The following ZNF618 variants were observed in gnomAD, a reference collection of about 807,000 sequenced individuals.
The protein encoded by ZNF618 is neural precursor cell expressed, developmentally down-regulated 10.
In ZNF618, 34 loss-of-function variants were observed where a neutral mutation model predicts 103.0. The observed-to-expected ratio is 0.33, with a 90% CI of 0.25 to 0.44. ZNF618 has a LOEUF of 0.44. ZNF618 is among the 20% of genes least tolerant of loss of function. The pLI is 1.00. For synonymous variants in ZNF618, 551 were observed against 542.2 expected, an observed-to-expected ratio of 1.02 and a Z score of -0.23; for missense variants, 1,059 against 1,295.4, an observed-to-expected ratio of 0.82 and a Z score of 2.80.
chr9:113,910,105 C>T (rs536313077), intron 1 of ZNF618, among the ~76,000 whole-genome samples: 2 of 152,132 alleles, frequency 1.3e-5, no homozygotes, highest in East Asian at 3.9e-4. Context: ...ATGAACTCAC[C>T]ACTCCCCGCC....
chr9:113,919,608 G>T (rs7029830), intron 1 of ZNF618, among the ~76,000 whole-genome samples: 67,063 of 152,042 alleles, frequency 0.44, 15,446 homozygotes, highest in Non-Finnish European at 0.51. Flanking sequence ...CCCTGGGCCG[G>T]CTGCTGCTGG....
In ZNF618 at chr9:114,048,831, C is replaced by T. The variant is rs1385070668; in HGVS notation, c.1529C>T (p.Ser510Leu). 23 of 1,611,780 alleles carry T rather than the reference C, an allele frequency of 1.4e-5. No homozygotes were observed. Among genetic ancestry groups the T allele is most frequent in the East Asian group, 2.2e-5 (1 of 44,826 alleles). Reference sequence around the variant, plus strand: ...AGTGGTGCCCGCTATGGGGCCTTCTCGGTCACTGAAATCCTGGGCAACTTC... The same window carrying T: ...AGTGGTGCCCGCTATGGGGCCTTCTTGGTCACTGAAATCCTGGGCAACTTC... Reference protein sequence around the residue: ...VDSGARYGAFSVTEILGNFNT... With the variant: ...VDSGARYGAFLVTEILGNFNT... Residue 510 changes from serine to leucine, a missense_variant, in exon 15 of 15, where the codon TCG (serine) becomes TTG (leucine). Physicochemically the swap from Ser to Leu is moderately radical, Grantham distance 145. Transcript: ENST00000374126.
At chr9:113,960,251 G>A (rs940636823) in intron 1 of ZNF618, among the ~76,000 whole-genome samples, 12 of 152,202 alleles carry the variant, frequency 7.9e-5, no homozygotes, top group African/African-American at 2.4e-4. Flanking sequence ...CCTGGAAGGG[G>A]ACAGTGGGCT....
chr9:114,003,501 A>G (rs1659348774), intron 6 of ZNF618, among the ~76,000 whole-genome samples: 1 of 152,264 alleles, frequency 6.6e-6, no homozygotes, highest in Non-Finnish European at 1.5e-5. Context: ...AAGTCTAGTG[A>G]CACAAAAGAC....
chr9:113,877,164 T>TA (rs1018731238), intron 1 of ZNF618, among the ~76,000 whole-genome samples: 2 of 152,090 alleles, frequency 1.3e-5, no homozygotes, highest in African/African-American at 4.8e-5. Flanking sequence ...ATCCAGATAA[T>TA]ATGTAAATGA....
intron 11 of ZNF618, 105 bp from the exon 12 acceptor site, chr9:114,032,540 G>A: frequency 9.9e-7 from 1 of 1,006,108 alleles, no homozygotes; most frequent in South Asian, 1.4e-5. Flanking sequence ...ACGAGAGCTA[G>A]TTGGCCCAGC....
At chr9:113,997,433 C>A (rs1222186592) in intron 3 of ZNF618, among the ~76,000 whole-genome samples, 1 of 152,216 alleles carries the variant, frequency 6.6e-6, no homozygotes, top group Non-Finnish European at 1.5e-5. Flanking sequence ...TTCCAAGAAG[C>A]TAGTTGTGTG....
intron 3 of ZNF618, among the ~76,000 whole-genome samples, chr9:113,993,252 C>T (rs183931314): frequency 6.6e-6 from 1 of 152,266 alleles, no homozygotes; most frequent in East Asian, 1.9e-4. Flanking sequence ...GAGGACTTCG[C>T]TCACCCAGCC....
intron 1 of ZNF618, among the ~76,000 whole-genome samples, chr9:113,944,735 C>A (rs1834855539): frequency 6.6e-6 from 1 of 152,136 alleles, no homozygotes; most frequent in South Asian, 2.1e-4. Flanking sequence ...CCCATTGTAT[C>A]AAAAATGTTA....
chr9:113,963,262 A>T (rs573790120), intron 1 of ZNF618, among the ~76,000 whole-genome samples: 1 of 152,226 alleles, frequency 6.6e-6, no homozygotes, highest in Non-Finnish European at 1.5e-5. Flanking sequence ...CCGAGGTCAC[A>T]TATCTTCCTG....
intron 2 of ZNF618, among the ~76,000 whole-genome samples, chr9:113,976,127 C>T (rs1838446898): frequency 6.6e-6 from 1 of 152,166 alleles, no homozygotes; most frequent in African/African-American, 2.4e-5. Context: ...CTGGAGACAG[C>T]CACAGAAATG....
chr9:113,978,514 G>T (rs537187582), intron 2 of ZNF618, among the ~76,000 whole-genome samples: 2 of 152,330 alleles, frequency 1.3e-5, no homozygotes, highest in African/African-American at 4.8e-5. Context: ...TCATGTCGGT[G>T]TGACTTTTAG....
intron 13 of ZNF618, among the ~76,000 whole-genome samples, chr9:114,044,959 T>C (rs1002644648): frequency 6.6e-6 from 1 of 152,138 alleles, no homozygotes; most frequent in African/African-American, 2.4e-5. Flanking sequence ...AATTCATTAA[T>C]CAGTTCTAGG....
chr9:114,049,793 G>A lies in ZNF618; in HGVS notation c.2491G>A (p.Glu831Lys). 6.2e-7 allele frequency: 1 copy of A among 1,614,018 alleles called. No individual in the cohort carries two copies. Among genetic ancestry groups the A allele is most frequent in the Non-Finnish European group, 8.5e-7 (1 of 1,179,904 alleles). ...CGAGGAGATCATCGGCAAGGTCTGT[G>A]AGCTCATCAACGAGGTGAAGGAGTC... is the stretch of plus-strand genomic sequence containing the variant. ...QHEEIIGKVC[E>K]LINEVKESWA... The change falls in exon 15 of 15, where the codon GAG becomes AAG. Residue 831 changes from glutamate to lysine, a missense_variant. By Grantham distance (56) the Glu-to-Lys change is moderately conservative. Around this residue, in one of 6 missense-constraint regions of ZNF618, gnomAD observed 156 missense variants for 197.1 expected, o/e 0.79. Coordinates refer to ENST00000374126, the MANE Select transcript of ZNF618 (RefSeq NM_001318042.2).
At chr9:114,002,477 A>T in intron 5 of ZNF618, 147 bp from the exon 6 acceptor site, 2 of 810,176 alleles carry the variant, frequency 2.5e-6, no homozygotes, top group Non-Finnish European at 3.9e-6. Flanking sequence ...GGAGCCTGGC[A>T]GACAGGGAGG....
intron 11 of ZNF618, among the ~76,000 whole-genome samples, chr9:114,031,035 C>T (rs1248566018): frequency 6.6e-6 from 1 of 152,220 alleles, no homozygotes; most frequent in Non-Finnish European, 1.5e-5. Flanking sequence ...AAGTCTGATT[C>T]TGCCGTCTTG....
At chr9:113,974,872 T>C (rs946192696) in intron 2 of ZNF618, among the ~76,000 whole-genome samples, 13 of 152,154 alleles carry the variant, frequency 8.5e-5, no homozygotes, top group Admixed American at 2.6e-4. Context: ...CATTGCCTGA[T>C]TGTGTGACCC....
intron 12 of ZNF618, 79 bp downstream of exon 12, chr9:114,032,807 C>T: frequency 7.6e-7 from 1 of 1,309,016 alleles, no homozygotes; most frequent in South Asian, 1.2e-5. Flanking sequence ...GCGGCAGCAT[C>T]CTGTGGGCTG....
At chr9:113,895,044 T>A (rs1391660476) in intron 1 of ZNF618, among the ~76,000 whole-genome samples, 1 of 152,116 alleles carries the variant, frequency 6.6e-6, no homozygotes, top group African/African-American at 2.4e-5. Context: ...ATTCTAGCGT[T>A]TTGTAATCAA....
Sources: allele counts gnomAD v4.1 joint callset (sites outside exome capture counted in the v4.1 genomes callset), GRCh38; gene constraint gnomAD v4.1.1; regional missense constraint gnomAD v4.1.1; transcripts MANE v1.5; gene names NCBI Gene and HGNC (gene_info 2026-07-23, HGNC 2026-07-21).